The following DHRSX variants were observed in gnomAD, a reference collection of about 807,000 sequenced individuals.
DHRSX encodes the protein dehydrogenase/reductase X-linked.
In DHRSX, 31 loss-of-function variants were observed where a neutral mutation model predicts 34.0. That is an observed-to-expected ratio of 0.91 (90% CI 0.69 to 1.23). DHRSX has a LOEUF of 1.23. Among genes scored for constraint, DHRSX ranks in the 50% most tolerant of loss-of-function variants. DHRSX has a pLI of 0.00. For synonymous variants in DHRSX, 201 were observed against 183.8 expected, an observed-to-expected ratio of 1.09 and a Z score of -0.76; for missense variants, 414 against 428.1, an observed-to-expected ratio of 0.97 and a Z score of 0.29.
intron 2 of DHRSX, among the ~76,000 whole-genome samples, chrX:2,417,860 G>A (rs1451257083): frequency 6.7e-6 from 1 of 149,968 alleles, no homozygotes; most frequent in Non-Finnish European, 1.5e-5. Context: ...TCATGACATA[G>A]CCAAACTAAA....
chrX:2,385,108 A>ATGTGTGTGTGTG (rs1273797831), intron 3 of DHRSX, among the ~76,000 whole-genome samples: 2,191 of 122,586 alleles, frequency 0.018, 41 homozygotes, highest in Admixed American at 0.023. Flanking sequence ...TCTCAAATAT[A>ATGTGTGTGTGTG]TATGTGTGTG....
chrX:2,339,309 T>C (rs1189048730), intron 3 of DHRSX, among the ~76,000 whole-genome samples: 1 of 151,800 alleles, frequency 6.6e-6, no homozygotes. Flanking sequence ...CTAATTCCTT[T>C]TGTATTTTTA....
At chrX:2,448,695 C>T (rs750912857) in intron 1 of DHRSX, among the ~76,000 whole-genome samples, 10 of 152,180 alleles carry the variant, frequency 6.6e-5, no homozygotes, top group Admixed American at 1.3e-4. Flanking sequence ...TATATGTATA[C>T]GATTATTTTT....
intron 4 of DHRSX, among the ~76,000 whole-genome samples, chrX:2,287,082 T>C (rs932005299): frequency 2.0e-5 from 3 of 152,240 alleles, no homozygotes; most frequent in African/African-American, 4.8e-5. Context: ...TTTGTTTCCG[T>C]TGCTAAAGTA....
intron 3 of DHRSX, among the ~76,000 whole-genome samples, chrX:2,293,408 T>C (rs1196361137): frequency 2.0e-5 from 3 of 152,118 alleles, no homozygotes; most frequent in Non-Finnish European, 2.9e-5. Context: ...CAGAACAAAA[T>C]GCATGAAAAC....
At position 2,429,087 on chromosome X, in the gene DHRSX, T is replaced by G. The variant is rs186040108; in HGVS notation, c.110-3783A>C. On this transcript the variant is annotated intron_variant, in intron 1 of 6. Transcript: ENST00000334651. Reference sequence around the variant, plus strand: ...AAAATTGCCGAATAAGTTTTCCATATGCTTAGGTTTTCTGGTGTATCCCTC... The same window carrying G: ...AAAATTGCCGAATAAGTTTTCCATAGGCTTAGGTTTTCTGGTGTATCCCTC... Among the ~76,000 whole-genome samples the G allele has an allele frequency of 2.7e-4, 41 of 152,322 alleles. 1 individual carries two copies. The East Asian group carries it at 7.7e-3, about 29-fold the overall frequency.
In DHRSX at chrX:2,453,282, A is replaced by G. The variant is rs769858662; in HGVS notation, c.110-27978T>C. ...AAAGCGGTGGCTCATGTCTGGAATCACAATGCTATGGAAGGCTGAGGAAGG... is the reference window on the plus strand; with the variant it reads ...AAAGCGGTGGCTCATGTCTGGAATCGCAATGCTATGGAAGGCTGAGGAAGG... On this transcript the variant is annotated intron_variant, in intron 1 of 6. Transcript: ENST00000334651. Among the ~76,000 whole-genome samples the G allele has an allele frequency of 2.2e-4, 33 of 152,184 alleles. No homozygotes were observed. In the East Asian group the frequency reaches 6.0e-3, roughly 28 times the overall value.
At chrX:2,452,053 G>A (rs1243696066) in intron 1 of DHRSX, among the ~76,000 whole-genome samples, 1 of 151,692 alleles carries the variant, frequency 6.6e-6, no homozygotes. Context: ...ACACACTGAA[G>A]ATGTTCACTA....
chrX:2,236,977 C>T (rs1329212848), intron 6 of DHRSX, among the ~76,000 whole-genome samples: 1 of 151,878 alleles, frequency 6.6e-6, no homozygotes, highest in African/African-American at 2.4e-5. Flanking sequence ...TCACTCGAGA[C>T]TGTGAGTTCG....
intron 3 of DHRSX, among the ~76,000 whole-genome samples, chrX:2,350,248 G>A (rs896943177): frequency 1.3e-5 from 2 of 151,840 alleles, no homozygotes; most frequent in Non-Finnish European, 2.9e-5. Flanking sequence ...CTACTCCAGA[G>A]GCTGAGGCAG....
rs201654515 is a variant in DHRSX, at chrX:2,305,511, A to AATC, written c.287-13911_287-13909dup. Among the ~76,000 whole-genome samples the AATC allele has an allele frequency of 5.0e-3, 757 of 152,260 alleles. 8 individuals are homozygous for AATC. Among genetic ancestry groups the AATC allele is most frequent in the African/African-American group, 0.017 (701 of 41,540 alleles). On this transcript the variant is annotated intron_variant, in intron 3 of 6. Coordinates refer to ENST00000334651, the MANE Select transcript of DHRSX (RefSeq NM_145177.3). ...CTGGGTATATACCCAAAGGATTATA[A>AATC]ATCATCCTACTATAAAGACACATGC... is the stretch of plus-strand genomic sequence containing the variant.
At chrX:2,371,733 AT>A (rs2043074992) in intron 3 of DHRSX, among the ~76,000 whole-genome samples, 1 of 150,580 alleles carries the variant, frequency 6.6e-6, no homozygotes, top group Non-Finnish European at 1.5e-5. Context: ...TCCTCCCATT[AT>A]CACAGCCCCT....
At chrX:2,488,735 T>G in intron 1 of DHRSX, 1 of 1,613,948 alleles carries the variant, frequency 6.2e-7, no homozygotes, top group East Asian at 2.2e-5. Context: ...CCCCTCGTCC[T>G]GGTCCTCGGG....
In DHRSX at chrX:2,247,655, CAAA is replaced by C. The variant is rs752111695; in HGVS notation, c.597-4428_597-4426del. ...GGTGATAGAGTGAAACTCCGTCTCA[CAAA>C]AAAAAAAAAAAAAAAAAAATTAGAT... is the stretch of plus-strand genomic sequence containing the variant. On this transcript the variant is annotated intron_variant, in intron 5 of 6. Coordinates refer to ENST00000334651, the MANE Select transcript of DHRSX (RefSeq NM_145177.3). 7.3e-3 allele frequency among the ~76,000 whole-genome samples: 703 copies of C among 96,896 alleles called. 6 individuals carry two copies. Among genetic ancestry groups the C allele is most frequent in the East Asian group, 0.049 (133 of 2,742 alleles). The allele number at this position is 96,896 out of a possible 152,430, so 63.6% of individuals were successfully genotyped here.
At chrX:2,476,186 G>C (rs1472106487) in intron 1 of DHRSX, among the ~76,000 whole-genome samples, 1 of 152,120 alleles carries the variant, frequency 6.6e-6, no homozygotes, top group African/African-American at 2.4e-5. Context: ...CCAGGAGTTT[G>C]AGACCGGCCA....
intron 4 of DHRSX, among the ~76,000 whole-genome samples, chrX:2,271,879 T>C (rs757077456): frequency 1.3e-5 from 2 of 152,066 alleles, no homozygotes; most frequent in South Asian, 2.1e-4. Context: ...TTGTCTCTAC[T>C]AAAAATACAA....
chrX:2,357,508 A>C (rs2042870728), intron 3 of DHRSX, among the ~76,000 whole-genome samples: 1 of 152,114 alleles, frequency 6.6e-6, no homozygotes, highest in East Asian at 1.9e-4. Context: ...AAAAGCATCA[A>C]GGGAGGAACA....
chrX:2,366,524 T>C (rs1466657333), intron 3 of DHRSX, among the ~76,000 whole-genome samples: 2 of 152,160 alleles, frequency 1.3e-5, no homozygotes, highest in Non-Finnish European at 2.9e-5. Context: ...AATATTTAAA[T>C]GACCATCAAT....
At chrX:2,308,280 T>A (rs2042123955) in intron 3 of DHRSX, among the ~76,000 whole-genome samples, 2 of 151,954 alleles carry the variant, frequency 1.3e-5, no homozygotes, top group African/African-American at 4.8e-5. Flanking sequence ...GCCAAAATGG[T>A]GGCCTCCTAC....
Sources: allele counts gnomAD v4.1 joint callset (sites outside exome capture counted in the v4.1 genomes callset), GRCh38; gene constraint gnomAD v4.1.1; transcripts MANE v1.5; gene names NCBI Gene and HGNC (gene_info 2026-07-23, HGNC 2026-07-21).